STK17B: variants seen among roughly 807,000 people sequenced by gnomAD.
The protein encoded by STK17B is serine/threonine-protein kinase 17B.
A neutral mutation model predicts 42.0 loss-of-function variants in STK17B; 21 were observed. That is an observed-to-expected ratio of 0.50 (90% CI 0.35 to 0.72). STK17B has a LOEUF of 0.72. STK17B is among the 30% of genes least tolerant of loss of function. The probability of loss-of-function intolerance (pLI) is 0.00; values close to 1 mark genes in which losing one functional copy is unlikely to be tolerated. For missense variants in STK17B, 349 were observed against 446.0 expected (o/e 0.78, Z 1.96); for synonymous variants, 143 against 148.4 (o/e 0.96, Z 0.26).
chr2:196,150,333 A>T (rs1699648951), intron 3 of STK17B, among the ~76,000 whole-genome samples: 1 of 152,212 alleles, frequency 6.6e-6, no homozygotes, highest in South Asian at 2.1e-4. Context: ...CAGGGATATC[A>T]ACAAAAGAAA....
Position 196,139,727 on chromosome 2 carries a change from T to A in STK17B, c.729A>T (p.Thr243=), listed in dbSNP as rs377478069. Residue 243 remains threonine (T), a synonymous_variant, in exon 7 of 8, where the codon ACA becomes ACT. Coordinates refer to ENST00000263955, the MANE Select transcript of STK17B (RefSeq NM_004226.4). ...CATTAACTTGAGAAATATTGAGGTA[T>A]GTTTCTTGATTATCTTCTCCCACAA... ...SPFVGEDNQE[T]YLNISQVNVD... 7.0e-5 allele frequency: 103 copies of A among 1,464,398 alleles called. No individual in the cohort carries two copies. The highest frequency in any genetic ancestry group is 8.9e-5 in the Non-Finnish European group (98 of 1,105,774). 90.7% of individuals were successfully genotyped at this position (1,464,398 alleles called of 1,614,324 possible). A position where few individuals can be genotyped will look rare whatever the true frequency, so the allele number is the denominator to read the frequency against.
At chr2:196,142,304 C>T (rs898105906) in intron 5 of STK17B, among the ~76,000 whole-genome samples, 1 of 152,132 alleles carries the variant, frequency 6.6e-6, no homozygotes, top group Non-Finnish European at 1.5e-5. Context: ...GTGATCCACT[C>T]GCCTTGGCCT....
chr2:196,141,026 CAGAG>C (rs1341585753), intron 6 of STK17B, among the ~76,000 whole-genome samples: 1 of 152,160 alleles, frequency 6.6e-6, no homozygotes, highest in Non-Finnish European at 1.5e-5. Context: ...GTTTTCATCA[CAGAG>C]AGAGATTTTC....
chr2:196,139,875 C>T (rs1699469040), intron 6 of STK17B, 76 bp from the exon 7 acceptor site: 1 of 1,084,320 alleles, frequency 9.2e-7, no homozygotes, highest in Non-Finnish European at 1.2e-6. Flanking sequence ...CGACATTCAA[C>T]ATACTCCTCT....
intron 3 of STK17B, among the ~76,000 whole-genome samples, chr2:196,147,712 C>T (rs575129637): frequency 2.5e-4 from 37 of 150,876 alleles, no homozygotes; most frequent in Non-Finnish European, 4.7e-4. Context: ...CCAAAACTTG[C>T]TGTAAATTCA....
chr2:196,166,554 A>C (rs1301296612), intron 1 of STK17B, among the ~76,000 whole-genome samples: 3 of 152,258 alleles, frequency 2.0e-5, no homozygotes, highest in African/African-American at 7.2e-5. Context: ...AGATCCTATA[A>C]AAAGTGTAAT....
intron 3 of STK17B, among the ~76,000 whole-genome samples, chr2:196,147,682 C>T (rs892004883): frequency 6.6e-6 from 1 of 151,940 alleles, no homozygotes; most frequent in Non-Finnish European, 1.5e-5. Context: ...ATATATGTCA[C>T]TTTAACCCCA....
chr2:196,175,633 T>C (rs1484749885), upstream of STK17B, among the ~76,000 whole-genome samples: 1 of 152,138 alleles, frequency 6.6e-6, no homozygotes, highest in African/African-American at 2.4e-5. Context: ...GTCTCAAAAA[T>C]AAATAAAGTT....
At chr2:196,169,011 C>A (rs1568365) in intron 1 of STK17B, among the ~76,000 whole-genome samples, 3 of 150,304 alleles carry the variant, frequency 2.0e-5, no homozygotes, top group African/African-American at 7.4e-5. Flanking sequence ...CAGAAGATTT[C>A]TTTATGAAAA....
At position 196,134,539 on chromosome 2, in the gene STK17B, C is replaced by A. The variant is rs891480944; in HGVS notation, c.*2908G>T. ...GTGGAAAAATTTTCTTCCACAAAAC[C>A]CGTCCCTAGTGCCAAAACAGTTGGA... On this transcript the variant is annotated 3_prime_UTR_variant, in exon 8 of 8. Coordinates refer to ENST00000263955, the MANE Select transcript of STK17B (RefSeq NM_004226.4). 3.3e-5 allele frequency: 5 copies of A among 152,188 alleles called. No individual in the cohort carries two copies. Among genetic ancestry groups the A allele is most frequent in the Non-Finnish European group, 5.9e-5 (4 of 68,036 alleles). 9.4% of individuals were successfully genotyped at this position (152,188 alleles called of 1,614,324 possible).
chr2:196,176,245 C>T (rs1337520273), upstream of STK17B: 3 of 152,234 alleles, frequency 2.0e-5, no homozygotes, highest in African/African-American at 4.8e-5. Flanking sequence ...TCACTGCTTC[C>T]TCTCCTTGGA....
chr2:196,156,736 T>A (rs1699744924), intron 2 of STK17B, 85 bp from the exon 3 acceptor site: 1 of 1,001,124 alleles, frequency 1.0e-6, no homozygotes, highest in African/African-American at 1.6e-5. Flanking sequence ...ACCTCCAACT[T>A]AAAGTCAATT....
chr2:196,144,486 CAAAAAAAAAAAAAAAAAAAAAA>C (rs869118381), intron 4 of STK17B, among the ~76,000 whole-genome samples: 7 of 55,932 alleles, frequency 1.3e-4, no homozygotes, highest in South Asian at 2.0e-3. Flanking sequence ...GACTCTGTCT[CAAAAAAAAAAAAAAAAAAAAAA>C]AAAAAAAAAA....
chr2:196,136,187 A>T lies in STK17B; in HGVS notation c.*1260T>A, dbSNP rs1436651525. On this transcript the variant is annotated 3_prime_UTR_variant, in exon 8 of 8. Coordinates refer to ENST00000263955, the MANE Select transcript of STK17B (RefSeq NM_004226.4). ...AGTTATCGTAACATGATAACAGACCAATATAACGGTCATCAGGTGAAAATT... is the reference window on the plus strand; with the variant it reads ...AGTTATCGTAACATGATAACAGACCTATATAACGGTCATCAGGTGAAAATT... 1 of 152,238 alleles carries T rather than the reference A, an allele frequency of 6.6e-6. No individual in the cohort carries two copies. The highest frequency in any genetic ancestry group is 1.5e-5 in the Non-Finnish European group (1 of 68,052). The allele number at this position is 152,238 out of a possible 1,614,324, so 9.4% of individuals were successfully genotyped here.
chr2:196,159,880 T>TA (rs1340271397), intron 2 of STK17B, among the ~76,000 whole-genome samples: 1 of 146,376 alleles, frequency 6.8e-6, no homozygotes, highest in Non-Finnish European at 1.6e-5. Flanking sequence ...ATCCTGTACT[T>TA]AAAGTGTTTG....
upstream of STK17B, among the ~76,000 whole-genome samples, chr2:196,171,867 C>T (rs1575191312): frequency 1.3e-5 from 2 of 151,976 alleles, no homozygotes; most frequent in South Asian, 2.1e-4. Flanking sequence ...GCGCGCGGGG[C>T]TGGAACTACT....
upstream of STK17B, among the ~76,000 whole-genome samples, chr2:196,173,288 T>A (rs1432424902): frequency 6.6e-6 from 1 of 152,212 alleles, no homozygotes; most frequent in African/African-American, 2.4e-5. Context: ...TACCTGTTCA[T>A]CAGTTTCTGA....
chr2:196,155,911 GCTTTACA>G lies in STK17B; in HGVS notation c.335+521_335+527del, dbSNP rs547486891. On this transcript the variant is annotated intron_variant, in intron 3 of 7. Transcript: ENST00000263955. ...TTATTATTGCTACAACTAACATAGT[GCTTTACA>G]CATTACATATACCAAATGTATTTCT... Among the ~76,000 whole-genome samples the G allele has an allele frequency of 1.5e-4, 23 of 152,236 alleles. No homozygotes were observed. The East Asian group carries it at 4.4e-3, about 29-fold the overall frequency.
In STK17B at chr2:196,143,544, A is replaced by G. The variant is rs984362255; in HGVS notation, c.607+16T>C. The G allele has an allele frequency of 1.9e-6, 3 of 1,586,456 alleles. No individual in the cohort carries two copies. The highest frequency in any genetic ancestry group is 2.6e-6 in the Non-Finnish European group (3 of 1,170,236). On this transcript the variant is annotated intron_variant, in intron 5 of 7. Transcript: ENST00000263955. ...TAAATTTCAAAATGGTATAGAAAAT[A>G]AAAGGAAATTCTTACCTAAATATTC...
Sources: allele counts gnomAD v4.1 joint callset (sites outside exome capture counted in the v4.1 genomes callset), GRCh38; gene constraint gnomAD v4.1.1; transcripts MANE v1.5; gene names NCBI Gene and HGNC (gene_info 2026-07-23, HGNC 2026-07-21).